Variants in SEZ6L observed in about 807,000 individuals in gnomAD.
SEZ6L encodes the protein seizure 6-like protein.
In SEZ6L, 37 loss-of-function variants were observed where a neutral mutation model predicts 106.2. The ratio of observed to expected loss-of-function variants is 0.35; its 90% CI spans 0.27 to 0.46. The LOEUF (loss-of-function observed/expected upper bound fraction) is 0.46, where lower values mean the gene tolerates loss of function less well. Ranked by LOEUF, SEZ6L falls within the 20% of genes least tolerant of loss-of-function variation. SEZ6L has a pLI of 1.00. For missense variants in SEZ6L, 1,172 were observed against 1,332.8 expected (o/e 0.88, Z 1.88); for synonymous variants, 541 against 570.4 (o/e 0.95, Z 0.73).
intron 12 of SEZ6L, among the ~76,000 whole-genome samples, chr22:26,355,106 G>A (rs1470931031): frequency 6.6e-6 from 1 of 152,186 alleles, no homozygotes; most frequent in Non-Finnish European, 1.5e-5. Flanking sequence ...ACGTTTTGTC[G>A]ACTGAACAAA....
rs1371738326 is a variant in SEZ6L at position 26,292,395 on chromosome 22, C to T, written c.95-11C>T. 1.9e-6 allele frequency: 3 copies of T among 1,601,114 alleles called. No individual in the cohort carries two copies. Among genetic ancestry groups the T allele is most frequent in the East Asian group, 4.5e-5 (2 of 44,804 alleles). On this transcript the variant is annotated splice_polypyrimidine_tract_variant and intron_variant, in intron 1 of 16. Coordinates refer to ENST00000248933, the MANE Select transcript of SEZ6L (RefSeq NM_021115.5). The stretch of plus-strand genomic sequence containing the variant: ...CCCCAAACTAACTGGTGTCTTTTCT[C>T]CTCTTCCAAGATGCTCTTCCCGAGG...
At chr22:26,375,276 G>T (rs2084181658) in intron 14 of SEZ6L, among the ~76,000 whole-genome samples, 1 of 152,156 alleles carries the variant, frequency 6.6e-6, no homozygotes, top group Admixed American at 6.5e-5. Context: ...CTGTGAATTG[G>T]ACTTTAATCA....
intron 13 of SEZ6L, among the ~76,000 whole-genome samples, chr22:26,370,630 C>T (rs2083998365): frequency 6.6e-6 from 1 of 151,834 alleles, no homozygotes; most frequent in African/African-American, 2.4e-5. Flanking sequence ...CAGTGTCACA[C>T]CTTTCCCTAG....
chr22:26,270,745 C>T lies in SEZ6L; in HGVS notation c.95-21661C>T, dbSNP rs150343182. ...GGAGGCATTGCCTCAAGCTTAAAGCCTGATTGCCTAAGGCTGGCTGTCAAG... is the reference window on the plus strand; with the variant it reads ...GGAGGCATTGCCTCAAGCTTAAAGCTTGATTGCCTAAGGCTGGCTGTCAAG... On this transcript the variant is annotated intron_variant, in intron 1 of 16. Coordinates refer to ENST00000248933, the MANE Select transcript of SEZ6L (RefSeq NM_021115.5). Among the ~76,000 whole-genome samples the T allele has an allele frequency of 2.2e-3, 328 of 152,260 alleles. 9 individuals carry two copies. In the East Asian group the frequency reaches 0.031, roughly 15 times the overall value.
At chr22:26,282,274 G>T (rs1302435506) in intron 1 of SEZ6L, among the ~76,000 whole-genome samples, 3 of 152,176 alleles carry the variant, frequency 2.0e-5, no homozygotes, top group Non-Finnish European at 4.4e-5. Context: ...CTATGGATGG[G>T]TATGTATGTT....
At chr22:26,327,949 G>A (rs2082371249) in intron 9 of SEZ6L, among the ~76,000 whole-genome samples, 1 of 152,236 alleles carries the variant, frequency 6.6e-6, no homozygotes, top group Non-Finnish European at 1.5e-5. Context: ...GCCATCTGGG[G>A]TCACCCCTAA....
intron 1 of SEZ6L, among the ~76,000 whole-genome samples, chr22:26,200,137 C>T (rs1940834791): frequency 2.6e-5 from 4 of 152,196 alleles, no homozygotes; most frequent in Non-Finnish European, 5.9e-5. Context: ...CTTCTCCCTG[C>T]CTCAAACAAC....
chr22:26,338,855 C>CTTTTTTT (rs758792495), intron 9 of SEZ6L, among the ~76,000 whole-genome samples: 4 of 93,384 alleles, frequency 4.3e-5, no homozygotes, highest in East Asian at 3.0e-4. Context: ...CACGCCCGGA[C>CTTTTTTT]TTTTTTTTTT....
chr22:26,185,017 G>A (rs145375063), intron 1 of SEZ6L, among the ~76,000 whole-genome samples: 125 of 152,338 alleles, frequency 8.2e-4, no homozygotes, highest in Middle Eastern at 6.8e-3. Flanking sequence ...CCAGGTGGCA[G>A]AGGCTGCAGG....
chr22:26,337,203 A>G (rs1378018901), intron 9 of SEZ6L, among the ~76,000 whole-genome samples: 1 of 152,224 alleles, frequency 6.6e-6, no homozygotes, highest in Non-Finnish European at 1.5e-5. Flanking sequence ...GAATCAAACC[A>G]AAGCTTTCTG....
chr22:26,187,271 C>T (rs138368380), intron 1 of SEZ6L, among the ~76,000 whole-genome samples: 18 of 152,326 alleles, frequency 1.2e-4, no homozygotes, highest in African/African-American at 4.3e-4. Context: ...AAAGCCCCTT[C>T]TCAGGCCTTG....
chr22:26,372,692 C>G (rs1412634441), intron 13 of SEZ6L, among the ~76,000 whole-genome samples: 2 of 152,108 alleles, frequency 1.3e-5, no homozygotes, highest in Admixed American at 1.3e-4. Flanking sequence ...TATTTTTGTG[C>G]TTAGCTACCA....
intron 9 of SEZ6L, among the ~76,000 whole-genome samples, chr22:26,324,064 CCACA>C (rs71311560): frequency 0.057 from 7,958 of 140,012 alleles, 259 homozygotes; most frequent in Admixed American, 0.077. Context: ...CAGTTTTTAA[CCACA>C]CACACACACA....
chr22:26,224,972 A>G (rs949944075), intron 1 of SEZ6L, among the ~76,000 whole-genome samples: 24 of 152,236 alleles, frequency 1.6e-4, no homozygotes, highest in African/African-American at 5.5e-4. Flanking sequence ...TGTTACAAAA[A>G]AAAAGCCCTA....
chr22:26,319,118 G>T (rs933371224), intron 9 of SEZ6L, among the ~76,000 whole-genome samples: 11 of 152,146 alleles, frequency 7.2e-5, no homozygotes, highest in Non-Finnish European at 1.5e-4. Flanking sequence ...CACTCACTGT[G>T]AACTGGACCT....
intron 1 of SEZ6L, among the ~76,000 whole-genome samples, chr22:26,231,855 A>T (rs1400001167): frequency 6.6e-6 from 1 of 152,170 alleles, no homozygotes; most frequent in Non-Finnish European, 1.5e-5. Context: ...TTTGGCCCTT[A>T]GCTGTCACCT....
intron 1 of SEZ6L, among the ~76,000 whole-genome samples, chr22:26,211,350 T>C (rs941739573): frequency 4.6e-5 from 7 of 152,192 alleles, no homozygotes; most frequent in African/African-American, 1.7e-4. Context: ...CTCTTTGCCA[T>C]TTCACTGAAG....
At chr22:26,239,758 A>G (rs889733689) in intron 1 of SEZ6L, among the ~76,000 whole-genome samples, 29 of 151,916 alleles carry the variant, frequency 1.9e-4, no homozygotes, top group African/African-American at 7.0e-4. Flanking sequence ...CTGAGGTTGT[A>G]AAACATTCTC....
intron 5 of SEZ6L, 91 bp downstream of exon 5, chr22:26,299,260 T>A: frequency 8.9e-7 from 1 of 1,117,622 alleles, no homozygotes; most frequent in Non-Finnish European, 1.2e-6. Context: ...CCTCAGGGAA[T>A]GGCTTTCAGC....
Sources: gnomAD v4.1 joint callset for allele counts (sites outside exome capture counted in the v4.1 genomes callset) on GRCh38, gnomAD v4.1.1 for gene constraint, MANE v1.5 for transcripts, NCBI Gene and HGNC (gene_info 2026-07-23, HGNC 2026-07-21) for gene names.